MELK: variants seen among roughly 807,000 people sequenced by gnomAD.
MELK encodes the protein maternal embryonic leucine zipper kinase, also known as pEg3 kinase.
MELK carries 81 observed loss-of-function variants against 85.0 expected under a neutral mutation model. The ratio of observed to expected loss-of-function variants is 0.95; its 90% CI spans 0.80 to 1.15. The LOEUF is 1.15. MELK is among the 50% of genes most tolerant of loss of function. The pLI, the probability that MELK is intolerant of heterozygous loss-of-function variation, is 0.00. For synonymous variants in MELK, 252 were observed against 265.0 expected (o/e 0.95, Z 0.48); for missense variants, 754 against 777.5 (o/e 0.97, Z 0.36).
At chr9:36,636,837 CT>C (rs5897641) in intron 10 of MELK, among the ~76,000 whole-genome samples, 7,329 of 120,888 alleles carry the variant, frequency 0.061, 628 homozygotes, top group African/African-American at 0.22. Context: ...TCTTGTCTTT[CT>C]TGTCTTTCTT....
intron 8 of MELK, among the ~76,000 whole-genome samples, chr9:36,614,445 A>T (rs1047638058): frequency 0.031 from 2,703 of 87,452 alleles, 98 homozygotes; most frequent in African/African-American, 0.12. Context: ...TTTTTTTTTA[A>T]TTTATTTTTT....
rs1440684514 is a variant in MELK, at chr9:36,651,692, A to G, written c.922-54A>G. 3.2e-6 allele frequency: 5 copies of G among 1,576,470 alleles called. No homozygotes were observed. The East Asian group carries it at 1.1e-4, about 36-fold the overall frequency. ...GAAAAAAATTAATTAAAGATAGAAC[A>G]TCATTTCCACAAACAAGTAATCTTC... On this transcript the variant is annotated intron_variant, in intron 11 of 17. Coordinates refer to ENST00000298048, the MANE Select transcript of MELK (RefSeq NM_014791.4).
Position 36,675,014 on chromosome 9 carries a change from G to A in MELK, c.1778+77G>A, listed in dbSNP as rs373014338. On this transcript the variant is annotated intron_variant, in intron 17 of 17. Coordinates refer to ENST00000298048, the MANE Select transcript of MELK (RefSeq NM_014791.4). ...GAGAAAATAGGAGTTGGTTGGGCGC[G>A]GTGGCTCACGCCTGTAATCCCAGCA... is the stretch of plus-strand genomic sequence containing the variant. The A allele has an allele frequency of 1.8e-4, 179 of 1,022,660 alleles. No homozygotes were observed. The African/African-American group carries it at 2.2e-3, about 13-fold the overall frequency. 63.3% of individuals were successfully genotyped at this position (1,022,660 alleles called of 1,614,324 possible).
intron 13 of MELK, among the ~76,000 whole-genome samples, chr9:36,663,689 G>C (rs1248466153): frequency 1.3e-5 from 2 of 152,132 alleles, no homozygotes; most frequent in African/African-American, 4.8e-5. Context: ...CATCCACCTT[G>C]TTGCAAAAGA....
chr9:36,578,118 C>G (rs1219818492), intron 1 of MELK, among the ~76,000 whole-genome samples: 1 of 152,188 alleles, frequency 6.6e-6, no homozygotes, highest in Admixed American at 6.6e-5. Context: ...CCACTCCTAG[C>G]TGTAGGTTTG....
chr9:36,599,300 CAAAAAAAA>C (rs34715003), intron 6 of MELK, 86 bp from the exon 7 acceptor site: 60,865 of 378,440 alleles, frequency 0.16, 1,949 homozygotes, highest in African/African-American at 0.3. Context: ...GACTCCGTCT[CAAAAAAAA>C]AAAAAAAAAA....
At chr9:36,642,163 C>A (rs1372426133) in intron 10 of MELK, among the ~76,000 whole-genome samples, 1 of 152,032 alleles carries the variant, frequency 6.6e-6, no homozygotes, top group Non-Finnish European at 1.5e-5. Context: ...TACTTATATT[C>A]TTTTTTAAAG....
At chr9:36,616,069 C>T (rs533187833) in intron 8 of MELK, among the ~76,000 whole-genome samples, 13 of 152,240 alleles carry the variant, frequency 8.5e-5, no homozygotes, top group Admixed American at 7.2e-4. Context: ...TCCCGGGCGG[C>T]GCTCGCCGGC....
intron 4 of MELK, among the ~76,000 whole-genome samples, chr9:36,592,920 C>CAGCCCTTTTGAAGTTTTCCCT (rs1823776177): frequency 6.6e-6 from 1 of 152,158 alleles, no homozygotes; most frequent in African/African-American, 2.4e-5. Flanking sequence ...AAGTTTTCTC[C>CAGCCCTTTTGAAGTTTTCCCT]AGCCCTTTTG....
intron 11 of MELK, 63 bp downstream of exon 11, chr9:36,643,146 G>T (rs1016898898): frequency 2.0e-5 from 27 of 1,369,536 alleles, no homozygotes; most frequent in Non-Finnish European, 2.6e-5. Flanking sequence ...ACTTTGGGAG[G>T]CCGAGGTGGG....
Position 36,594,707 on chromosome 9 carries a change from G to A in MELK, c.341G>A (p.Arg114His), listed in dbSNP as rs370963407. 5 of 1,613,938 alleles carry A rather than the reference G, an allele frequency of 3.1e-6. No homozygotes were observed. Among genetic ancestry groups the A allele is most frequent in the Non-Finnish European group, 4.2e-6 (5 of 1,180,018 alleles). Residue 114 changes from arginine to histidine, a missense_variant, in exon 5 of 18, where the codon CGT becomes CAT. By Grantham distance (29) the Arg-to-His change is conservative. Coordinates refer to ENST00000298048, the MANE Select transcript of MELK (RefSeq NM_014791.4). The part of the protein sequence containing the change: ...LSEEETRVVF[R>H]QIVSAVAYVH... ...GAAGAGGAGACCCGGGTTGTCTTCC[G>A]TCAGATAGTATCTGCTGTTGCTTAT... is the stretch of plus-strand genomic sequence containing the variant.
At chr9:36,605,904 G>A (rs1282999111) in intron 7 of MELK, among the ~76,000 whole-genome samples, 1 of 149,266 alleles carries the variant, frequency 6.7e-6, no homozygotes, top group Non-Finnish European at 1.5e-5. Flanking sequence ...AGTGAGCTGA[G>A]ATTGTGCCAC....
intron 8 of MELK, among the ~76,000 whole-genome samples, chr9:36,612,769 T>C (rs554378384): frequency 3.9e-5 from 6 of 152,346 alleles, no homozygotes; most frequent in African/African-American, 1.4e-4. Flanking sequence ...TTTGGTTTCA[T>C]GATTTGTATT....
chr9:36,585,370 G>A (rs961458053), intron 3 of MELK, among the ~76,000 whole-genome samples: 37 of 144,442 alleles, frequency 2.6e-4, no homozygotes, highest in African/African-American at 8.1e-4. Context: ...GCAGTGGTGC[G>A]ATCTCGGCTC....
chr9:36,677,332 G>A lies in MELK; in HGVS notation c.1951G>A (p.Val651Ile). Residue 651 changes from valine (V) to isoleucine (I), a missense_variant, in exon 18 of 18, where the codon GTA (valine) becomes ATA (isoleucine). By Grantham distance (29) the Val-to-Ile change is conservative (BLOSUM62 3). Transcript: ENST00000298048. ...LVEDILSSCK[V>I] ...GGAAGACATCCTATCTAGCTGCAAGGTATAATTGATGGATTCTTCCATCCT... is the reference window on the plus strand; with the variant it reads ...GGAAGACATCCTATCTAGCTGCAAGATATAATTGATGGATTCTTCCATCCT... 6 of 1,610,820 alleles carry A rather than the reference G, an allele frequency of 3.7e-6. No homozygotes were observed. The highest frequency in any genetic ancestry group is 5.1e-6 in the Non-Finnish European group (6 of 1,178,086).
intron 8 of MELK, among the ~76,000 whole-genome samples, chr9:36,617,358 G>A (rs1193289913): frequency 6.6e-6 from 1 of 151,142 alleles, no homozygotes; most frequent in Non-Finnish European, 1.5e-5. Context: ...TTAGAGACAG[G>A]GTCTTGCTCT....
At chr9:36,582,369 G>A (rs1453865049) in intron 2 of MELK, among the ~76,000 whole-genome samples, 2 of 152,154 alleles carry the variant, frequency 1.3e-5, no homozygotes, top group Non-Finnish European at 2.9e-5. Flanking sequence ...GTGGCTGCTT[G>A]GTAGATAAAA....
intron 10 of MELK, among the ~76,000 whole-genome samples, chr9:36,640,668 T>G (rs1464401359): frequency 6.6e-6 from 1 of 152,172 alleles, no homozygotes; most frequent in Non-Finnish European, 1.5e-5. Context: ...CAGGCCAGTC[T>G]CCAACTCCTG....
At chr9:36,620,944 C>G (rs1214808318) in intron 8 of MELK, among the ~76,000 whole-genome samples, 1 of 151,926 alleles carries the variant, frequency 6.6e-6, no homozygotes, top group Non-Finnish European at 1.5e-5. Flanking sequence ...TTGCACATTT[C>G]TTAAATATCC....
Sources: gnomAD v4.1 joint callset for allele counts (sites outside exome capture counted in the v4.1 genomes callset) on GRCh38, gnomAD v4.1.1 for gene constraint, MANE v1.5 for transcripts, NCBI Gene and HGNC (gene_info 2026-07-23, HGNC 2026-07-21) for gene names.